MECR: variants seen among roughly 807,000 people sequenced by gnomAD.
MECR encodes mitochondrial trans-2-enoyl-CoA reductase, also known as enoyl-[acyl-carrier-protein] reductase, mitochondrial.
A neutral mutation model predicts 49.1 loss-of-function variants in MECR; 37 were observed. The ratio of observed to expected loss-of-function variants is 0.75; its 90% CI spans 0.58 to 0.99. The LOEUF is 0.99. Ranked by LOEUF, MECR falls within the 50% of genes least tolerant of loss-of-function variation. The pLI is 0.00. For missense variants in MECR, 470 were observed against 479.6 expected (o/e 0.98, Z 0.19); for synonymous variants, 198 against 191.1 (o/e 1.04, Z -0.30).
At chr1:29,173,204 C>T in the MECR span, 3 of 123,626 alleles carry the variant, frequency 2.4e-5, no homozygotes, top group Admixed American at 3.2e-4. Context: ...GTGGTGCGAT[C>T]TCGGCTCACT....
At chr1:29,214,507 G>A (rs766361051) in intron 3 of MECR, among the ~76,000 whole-genome samples, 4 of 151,542 alleles carry the variant, frequency 2.6e-5, no homozygotes, top group Non-Finnish European at 4.4e-5. Flanking sequence ...GACTACAGAC[G>A]CATGCCACCA....
At chr1:29,206,989 A>G in intron 3 of MECR, 84 bp from the exon 4 acceptor site, 1 of 1,509,350 alleles carries the variant, frequency 6.6e-7, no homozygotes. Context: ...GCCAAGAAGC[A>G]TCCAGGATAG....
chr1:29,209,764 T>C (rs16838010), intron 3 of MECR, among the ~76,000 whole-genome samples: 9,723 of 152,024 alleles, frequency 0.064, 815 homozygotes, highest in East Asian at 0.41. Context: ...CTTAGGGAAA[T>C]TGCTTGGAGC....
chr1:29,222,087 G>A (rs191317576), intron 1 of MECR, among the ~76,000 whole-genome samples: 2 of 152,192 alleles, frequency 1.3e-5, no homozygotes, highest in East Asian at 3.9e-4. Context: ...TGGAGATACT[G>A]TTAGGTATTT....
rs761953459 is a variant in MECR at position 29,193,977 on chromosome 1, C to T, written c.*45G>A. 1 of 1,611,130 alleles carries T rather than the reference C, an allele frequency of 6.2e-7. No homozygotes were observed. The highest frequency in any genetic ancestry group is 1.1e-5 in the South Asian group (1 of 90,910). On this transcript the variant is annotated 3_prime_UTR_variant, in exon 10 of 10. Coordinates refer to ENST00000263702, the MANE Select transcript of MECR (RefSeq NM_016011.5). The stretch of plus-strand genomic sequence containing the variant: ...ACTGAGGGGCCTGCACCCAGCCCCT[C>T]AGATCCGCCTCCCCTCCCATGTCAC...
the MECR span, among the ~76,000 whole-genome samples, chr1:29,178,733 A>G: frequency 2.6e-5 from 4 of 152,220 alleles, no homozygotes; most frequent in Non-Finnish European, 4.4e-5. Flanking sequence ...CTGCTAGGGG[A>G]CTATAAGCTT....
the MECR span, among the ~76,000 whole-genome samples, chr1:29,173,920 G>A: frequency 1.3e-4 from 19 of 151,600 alleles, no homozygotes; most frequent in African/African-American, 4.6e-4. Flanking sequence ...TGGGTGCGGT[G>A]GCTCACGCCT....
intron 1 of MECR, chr1:29,223,637 G>C (rs1403835298): frequency 6.6e-6 from 1 of 152,282 alleles, no homozygotes; most frequent in African/African-American, 2.4e-5. Flanking sequence ...AGGGCACCGG[G>C]TGAATGTAAC....
chr1:29,196,175 G>GC, intron 8 of MECR, 23 bp downstream of exon 8: 2 of 1,613,932 alleles, frequency 1.2e-6, no homozygotes, highest in Non-Finnish European at 1.7e-6. Flanking sequence ...CTCCAGGCAT[G>GC]CCTCCCTCTG....
At chr1:29,168,862 C>G in the MECR span, 3 of 152,058 alleles carry the variant, frequency 2.0e-5, no homozygotes, top group African/African-American at 7.2e-5. Context: ...GTGACTTGAA[C>G]CAAAAAATAT....
At chr1:29,205,788 G>T (rs1676430161) in intron 4 of MECR, among the ~76,000 whole-genome samples, 1 of 152,084 alleles carries the variant, frequency 6.6e-6, no homozygotes, top group South Asian at 2.1e-4. Context: ...CCACGCCACT[G>T]CACTCAAGCC....
At chr1:29,206,730 C>G in intron 4 of MECR, 32 bp downstream of exon 4, 1 of 1,612,174 alleles carries the variant, frequency 6.2e-7, no homozygotes, top group Non-Finnish European at 8.5e-7. Flanking sequence ...TTGCGAGACC[C>G]TGGCCTGCTC....
chr1:29,181,717 C>T, the MECR span: 1 of 1,594,604 alleles, frequency 6.3e-7, no homozygotes, highest in Non-Finnish European at 8.5e-7. Context: ...GCTCCCGGGC[C>T]TGGTAGCTCA....
chr1:29,175,655 A>G, the MECR span, among the ~76,000 whole-genome samples: 1 of 122,684 alleles, frequency 8.2e-6, no homozygotes, highest in East Asian at 2.4e-4. Context: ...AGATTGCGCC[A>G]CTGCACTCCA....
the MECR span, among the ~76,000 whole-genome samples, chr1:29,185,255 A>C: frequency 6.6e-6 from 1 of 151,948 alleles, no homozygotes; most frequent in South Asian, 2.1e-4. Context: ...ATTTAATTCA[A>C]TTTTATTTTT....
At chr1:29,209,623 G>C (rs111887473) in intron 3 of MECR, among the ~76,000 whole-genome samples, 74 of 152,258 alleles carry the variant, frequency 4.9e-4, no homozygotes, top group African/African-American at 1.7e-3. Flanking sequence ...GAATCAATAG[G>C]ATTTGGTGAG....
chr1:29,230,572 G>A (rs1041254922), intron 1 of MECR, among the ~76,000 whole-genome samples, 159 bp downstream of exon 1: 7 of 152,150 alleles, frequency 4.6e-5, no homozygotes, highest in Non-Finnish European at 7.4e-5. Flanking sequence ...CTTCAAGTAC[G>A]GTCTTTCTGA....
chr1:29,172,650 T>C, the MECR span: 1 of 152,218 alleles, frequency 6.6e-6, no homozygotes, highest in Non-Finnish European at 1.5e-5. Flanking sequence ...GGCATGCTCA[T>C]ACACTGCGGG....
rs1683228860 is a variant in MECR, at chr1:29,230,786, C to G, written c.121G>C (p.Ala41Pro). The change falls in exon 1 of 10, where the codon GCC becomes CCC. Residue 41 changes from alanine to proline, a missense_variant. Transcript: ENST00000263702. ...CCATAGACAAGCGCCCGGACCCGGGCAGGCTCGGCGGATGCGGAGTAGGAG... is the reference window on the plus strand; with the variant it reads ...CCATAGACAAGCGCCCGGACCCGGGGAGGCTCGGCGGATGCGGAGTAGGAG... The part of the protein sequence containing the change: ...ASSYSASAEP[A>P]RVRALVYGHH... The G allele has an allele frequency of 1.9e-6, 3 of 1,604,482 alleles. No individual in the cohort carries two copies. The highest frequency in any genetic ancestry group is 2.2e-5 in the East Asian group (1 of 44,482).
Sources: allele counts gnomAD v4.1 joint callset (sites outside exome capture counted in the v4.1 genomes callset), GRCh38; gene constraint gnomAD v4.1.1; transcripts MANE v1.5; gene names NCBI Gene and HGNC (gene_info 2026-07-23, HGNC 2026-07-21).